FNTB: variants seen among roughly 807,000 people sequenced by gnomAD.
FNTB encodes the protein farnesyltransferase, CAAX box, subunit beta.
Under a neutral mutation model 59.4 loss-of-function variants are expected in FNTB, and 27 were observed. That is an observed-to-expected ratio of 0.45 (90% CI 0.34 to 0.63). FNTB has a LOEUF of 0.63. FNTB is among the 20% of genes least tolerant of loss of function. The pLI, the probability that FNTB is intolerant of heterozygous loss-of-function variation, is 0.02. For missense variants in FNTB, 449 were observed against 559.6 expected (o/e 0.80, Z 1.99); for synonymous variants, 230 against 220.7 (o/e 1.04, Z -0.37).
chr14:65,041,569 G>A (rs200808209), intron 8 of FNTB, among the ~76,000 whole-genome samples: 11 of 152,152 alleles, frequency 7.2e-5, no homozygotes, highest in Admixed American at 6.5e-4. Context: ...TGACCATGAC[G>A]TCAAAGCAAA....
At chr14:65,057,344 G>A (rs1220326824) in intron 11 of FNTB, among the ~76,000 whole-genome samples, 2 of 152,122 alleles carry the variant, frequency 1.3e-5, no homozygotes, top group Non-Finnish European at 2.9e-5. Context: ...TGGGAGAATC[G>A]CTTGAGCCCA....
intron 8 of FNTB, among the ~76,000 whole-genome samples, chr14:65,042,315 C>G (rs1477762309): frequency 6.6e-6 from 1 of 152,118 alleles, no homozygotes; most frequent in African/African-American, 2.4e-5. Context: ...AATGTAGAAT[C>G]AGTGAGAGCC....
chr14:65,025,226 A>G lies in FNTB; in HGVS notation c.375-2227A>G, dbSNP rs147295130. 1.1e-4 allele frequency among the ~76,000 whole-genome samples: 16 copies of G among 152,230 alleles called. No homozygotes were observed. In the East Asian group the frequency reaches 2.9e-3, roughly 28 times the overall value. ...TGTCTGGTACATTCAGATCCTAACTAATTCGAGGCTTTAGGGTCAGTAGTG... is the reference window on the plus strand; with the variant it reads ...TGTCTGGTACATTCAGATCCTAACTGATTCGAGGCTTTAGGGTCAGTAGTG... On this transcript the variant is annotated intron_variant, in intron 4 of 11. Coordinates refer to ENST00000246166, the MANE Select transcript of FNTB (RefSeq NM_002028.4).
At chr14:64,993,918 C>T (rs1594983258) in intron 1 of FNTB, among the ~76,000 whole-genome samples, 1 of 150,942 alleles carries the variant, frequency 6.6e-6, no homozygotes, top group East Asian at 1.9e-4. Flanking sequence ...TGCAGTGGTG[C>T]GATCTCCACT....
chr14:65,009,532 G>A lies in FNTB; in HGVS notation c.210-2785G>A, dbSNP rs1414453687. Reference sequence around the variant, plus strand: ...CAGAGACCTATATTTCGCTAGCTTCGTACCCATCATTTCTCGCTCAAAGAA... The same window carrying A: ...CAGAGACCTATATTTCGCTAGCTTCATACCCATCATTTCTCGCTCAAAGAA... On this transcript the variant is annotated intron_variant, in intron 2 of 11. Transcript: ENST00000246166. The surrounding 1 kb of genome is among the most constrained non-coding windows in gnomAD (Gnocchi z 4.2). Among the ~76,000 whole-genome samples the A allele has an allele frequency of 6.6e-6, 1 of 151,866 alleles. No homozygotes were observed. Among genetic ancestry groups the A allele is most frequent in the Non-Finnish European group, 1.5e-5 (1 of 67,994 alleles).
rs993134039 is a variant in FNTB, at chr14:65,031,323, TG to T, written c.606-1286del. The stretch of plus-strand genomic sequence containing the variant: ...ATCAAGTATAATAATTTTTTGTGTT[TG>T]TTTTTTTTTTTGAGACAGAGTCTCA... On this transcript the variant is annotated intron_variant, in intron 6 of 11. Coordinates refer to ENST00000246166, the MANE Select transcript of FNTB (RefSeq NM_002028.4). This position sits in a 1 kb window ranked among gnomAD's most constrained non-coding sequence, Gnocchi z 4.6. Among the ~76,000 whole-genome samples, 10 of 151,440 alleles carry T rather than the reference TG, an allele frequency of 6.6e-5. No individual in the cohort carries two copies. Among genetic ancestry groups the T allele is most frequent in the African/African-American group, 1.2e-4 (5 of 41,340 alleles).
rs1054124590 is a variant in FNTB at position 65,054,260 on chromosome 14, C to T, written c.1068-315C>T. Reference sequence around the variant, plus strand: ...CCCAAGTAACTGGAATTACAGGCATCGGCCACCACACCTAGCTAATTTTTA... The same window carrying T: ...CCCAAGTAACTGGAATTACAGGCATTGGCCACCACACCTAGCTAATTTTTA... On this transcript the variant is annotated intron_variant, in intron 10 of 11. Transcript: ENST00000246166. The surrounding 1 kb of genome is among the most constrained non-coding windows in gnomAD (Gnocchi z 4.4). Among the ~76,000 whole-genome samples, 3 of 152,030 alleles carry T rather than the reference C, an allele frequency of 2.0e-5. No individual in the cohort carries two copies. Among genetic ancestry groups the T allele is most frequent in the Non-Finnish European group, 2.9e-5 (2 of 68,024 alleles).
chr14:65,013,426 T>C (rs1303744092), intron 3 of FNTB, among the ~76,000 whole-genome samples: 1 of 152,028 alleles, frequency 6.6e-6, no homozygotes, highest in Non-Finnish European at 1.5e-5. Flanking sequence ...TACACATCCA[T>C]GGGCTAGATT....
At position 65,027,964 on chromosome 14, in the gene FNTB, T is replaced by C. The variant is rs571897037; in HGVS notation, c.605+183T>C. ...GTGATGCAGATGTCCTCAGGTGTCA[T>C]GATCACTTGACTTATTTTATGTAAA... On this transcript the variant is annotated intron_variant, in intron 6 of 11. Coordinates refer to ENST00000246166, the MANE Select transcript of FNTB (RefSeq NM_002028.4). This position sits in a 1 kb window ranked among gnomAD's most constrained non-coding sequence, Gnocchi z 5.7. Among the ~76,000 whole-genome samples the C allele has an allele frequency of 1.3e-5, 2 of 152,368 alleles. No individual in the cohort carries two copies. Among genetic ancestry groups the C allele is most frequent in the South Asian group, 2.1e-4 (1 of 4,830 alleles).
At chr14:65,004,390 C>A in intron 2 of FNTB, 77 bp downstream of exon 2, 1 of 1,459,586 alleles carries the variant, frequency 6.9e-7, no homozygotes, top group Non-Finnish European at 9.4e-7. Context: ...CCTCCTTGAG[C>A]GAATCTAACC....
intron 4 of FNTB, among the ~76,000 whole-genome samples, chr14:65,019,625 T>G (rs1366663920): frequency 6.6e-6 from 1 of 152,254 alleles, no homozygotes; most frequent in Non-Finnish European, 1.5e-5. Flanking sequence ...AAAAACCACT[T>G]GACAGTTAAT....
At chr14:65,008,693 A>G (rs3783720) in intron 2 of FNTB, among the ~76,000 whole-genome samples, 37,530 of 152,206 alleles carry the variant, frequency 0.25, 4,838 homozygotes, top group Non-Finnish European at 0.3. Context: ...AGGAGACTGA[A>G]AGGAGCGGAG....
At chr14:64,989,038 A>G (rs967258348) in intron 1 of FNTB, among the ~76,000 whole-genome samples, 1 of 152,146 alleles carries the variant, frequency 6.6e-6, no homozygotes, top group Non-Finnish European at 1.5e-5. Context: ...GGTTAATGAT[A>G]CATTCATCAA....
chr14:65,010,349 A>G (rs1476904713), intron 2 of FNTB, among the ~76,000 whole-genome samples: 1 of 152,108 alleles, frequency 6.6e-6, no homozygotes, highest in Non-Finnish European at 1.5e-5. Context: ...TGTGCAGACA[A>G]ATGCTTCGTA....
rs781704266 is a variant in FNTB at position 65,030,275 on chromosome 14, T to C, written c.606-2335T>C. Among the ~76,000 whole-genome samples the C allele has an allele frequency of 2.6e-5, 4 of 152,222 alleles. No individual in the cohort carries two copies. The highest frequency in any genetic ancestry group is 4.8e-5 in the African/African-American group (2 of 41,464). ...GCTGGTAGATGATCACATTTGGCAT[T>C]GGCACTTGTGACTCTTGTGTGCTCC... On this transcript the variant is annotated intron_variant, in intron 6 of 11. Transcript: ENST00000246166. The surrounding 1 kb of genome is among the most constrained non-coding windows in gnomAD (Gnocchi z 4.5).
intron 4 of FNTB, among the ~76,000 whole-genome samples, chr14:65,026,676 CA>C (rs2061987981): frequency 6.6e-6 from 1 of 152,076 alleles, no homozygotes; most frequent in African/African-American, 2.4e-5. Flanking sequence ...GCCTGGCCAG[CA>C]TGGTGAAACC....
intron 4 of FNTB, among the ~76,000 whole-genome samples, chr14:65,021,797 C>T (rs535264033): frequency 1.3e-5 from 2 of 152,328 alleles, no homozygotes; most frequent in African/African-American, 4.8e-5. Flanking sequence ...GGGCGCATGC[C>T]ACTATGCCTG....
chr14:65,043,265 T>A (rs1400070286), intron 8 of FNTB, among the ~76,000 whole-genome samples: 1 of 152,172 alleles, frequency 6.6e-6, no homozygotes, highest in Non-Finnish European at 1.5e-5. Context: ...ATCTTTGTAG[T>A]AGAGTGTGTT....
intron 2 of FNTB, among the ~76,000 whole-genome samples, chr14:65,008,698 G>A (rs1478953724): frequency 6.6e-6 from 1 of 152,234 alleles, no homozygotes; most frequent in African/African-American, 2.4e-5. Context: ...ACTGAAAGGA[G>A]CGGAGCTCAA....
Sources: gnomAD v4.1 joint callset for allele counts (sites outside exome capture counted in the v4.1 genomes callset) on GRCh38, gnomAD v4.1.1 for gene constraint, Gnocchi (gnomAD v3.1) non-coding constraint, MANE v1.5 for transcripts, NCBI Gene and HGNC (gene_info 2026-07-23, HGNC 2026-07-21) for gene names.